AGTPBP1: variants seen among roughly 807,000 people sequenced by gnomAD.
AGTPBP1 encodes the protein cytosolic carboxypeptidase 1.
In AGTPBP1, 70 loss-of-function variants were observed where a neutral mutation model predicts 143.9. The observed-to-expected ratio is 0.49, with a 90% CI of 0.40 to 0.59. The LOEUF (loss-of-function observed/expected upper bound fraction) is 0.59, where lower values mean the gene tolerates loss of function less well. Among genes scored for constraint, AGTPBP1 ranks in the 20% least tolerant of loss-of-function variants. The probability of loss-of-function intolerance (pLI) is 0.00; values close to 1 mark genes in which losing one functional copy is unlikely to be tolerated. For synonymous variants in AGTPBP1, 463 were observed against 500.2 expected, an observed-to-expected ratio of 0.93 and a Z score of 0.99; for missense variants, 1,229 against 1,464.5, an observed-to-expected ratio of 0.84 and a Z score of 2.62.
chr9:85,549,832 G>T (rs1413019426), intron 25 of AGTPBP1, among the ~76,000 whole-genome samples: 1 of 152,204 alleles, frequency 6.6e-6, no homozygotes, highest in Non-Finnish European at 1.5e-5. Context: ...GATCCTGTCA[G>T]TTCTTGATCT....
chr9:85,777,260 C>G, the AGTPBP1 span, among the ~76,000 whole-genome samples: 3 of 152,200 alleles, frequency 2.0e-5, no homozygotes, highest in African/African-American at 7.2e-5. Context: ...GCAGGATAGG[C>G]AAACCCACAT....
At chr9:85,786,058 G>A in the AGTPBP1 span, 9 of 1,351,024 alleles carry the variant, frequency 6.7e-6, no homozygotes, top group African/African-American at 1.3e-4. Context: ...ACCTAATTTT[G>A]AGGAAATAAT....
chr9:85,743,836 T>C (rs997235921), upstream of AGTPBP1, among the ~76,000 whole-genome samples: 1 of 152,134 alleles, frequency 6.6e-6, no homozygotes, highest in Non-Finnish European at 1.5e-5. Context: ...CGATCTCCTG[T>C]ATGTTGGACA....
At position 85,592,653 on chromosome 9, in the gene AGTPBP1, G is replaced by A; in HGVS notation, c.2475C>T (p.Ser825=). Residue 825 remains serine (S), a synonymous_variant, in exon 19 of 26, where the codon TCC becomes TCT. Coordinates refer to ENST00000357081, the MANE Select transcript of AGTPBP1 (RefSeq NM_001330701.2). ...SVAAGGQKGK[S]YYTITFTVNF... is the part of the protein sequence containing the mutation. ...TGACAGTAAATGTAATTGTATAGTA[G>A]GATTTTCCCTTTTGCCCACCTGCAG... The A allele has an allele frequency of 6.2e-7, 1 of 1,611,808 alleles. No individual in the cohort carries two copies. Among genetic ancestry groups the A allele is most frequent in the Non-Finnish European group, 8.5e-7 (1 of 1,179,172 alleles).
chr9:85,764,499 T>C, the AGTPBP1 span, among the ~76,000 whole-genome samples: 5,928 of 152,104 alleles, frequency 0.039, 99 homozygotes, highest in Non-Finnish European at 0.057. Flanking sequence ...CATTGCACTC[T>C]AGCCTGGGGA....
At chr9:85,598,861 C>T (rs943006658) in intron 17 of AGTPBP1, among the ~76,000 whole-genome samples, 2 of 151,982 alleles carry the variant, frequency 1.3e-5, no homozygotes, top group Non-Finnish European at 2.9e-5. Context: ...CTGGGGACTA[C>T]AGGCGCATGC....
chr9:85,633,112 G>C lies in AGTPBP1; in HGVS notation c.1565C>G (p.Ser522Ter). Residue 522 changes from serine (S) to a stop codon, truncating the protein, a stop_gained, in exon 14 of 26, where the codon TCA becomes TGA. Coordinates refer to ENST00000357081, the MANE Select transcript of AGTPBP1 (RefSeq NM_001330701.2). LOFTEE classifies it high-confidence loss of function. ...QPGDQNRTIS[S>*]VHGLNNDIVK... is the part of the protein sequence containing the mutation. ...AATATCATTGTTTAAACCATGGACTGATGAAATAGTTCTATTTTGATCACC... is the reference window on the plus strand; with the variant it reads ...AATATCATTGTTTAAACCATGGACTCATGAAATAGTTCTATTTTGATCACC... The C allele has an allele frequency of 6.2e-7, 1 of 1,614,132 alleles. No individual in the cohort carries two copies. The highest frequency in any genetic ancestry group is 8.5e-7 in the Non-Finnish European group (1 of 1,180,010).
At chr9:85,786,663 C>T in the AGTPBP1 span, 1 of 1,346,764 alleles carries the variant, frequency 7.4e-7, no homozygotes, top group Non-Finnish European at 9.9e-7. Flanking sequence ...AAGTTCACTA[C>T]CTCTTTCCTC....
upstream of AGTPBP1, among the ~76,000 whole-genome samples, chr9:85,746,124 C>T (rs1195652997): frequency 6.6e-6 from 1 of 152,062 alleles, no homozygotes; most frequent in African/African-American, 2.4e-5. Flanking sequence ...TCCCCCTGCC[C>T]CCACACAGTA....
At chr9:85,617,146 C>T (rs1587745280) in intron 17 of AGTPBP1, among the ~76,000 whole-genome samples, 1 of 152,096 alleles carries the variant, frequency 6.6e-6, no homozygotes, top group East Asian at 1.9e-4. Flanking sequence ...GGAACAACCT[C>T]TTCAACTGTT....
the AGTPBP1 span, among the ~76,000 whole-genome samples, chr9:85,783,514 G>C: frequency 2.0e-5 from 3 of 152,016 alleles, no homozygotes; most frequent in Non-Finnish European, 2.9e-5. Flanking sequence ...ATGAAACAAG[G>C]TTTGTTTGAA....
intron 25 of AGTPBP1, among the ~76,000 whole-genome samples, chr9:85,563,951 T>C (rs1219221604): frequency 6.6e-6 from 1 of 152,216 alleles, no homozygotes; most frequent in Non-Finnish European, 1.5e-5. Context: ...TTTGGCAGCA[T>C]CCATGTGTGC....
rs138210835 is a variant in AGTPBP1, at chr9:85,669,403, C to T, written c.662+82G>A. 3.5e-4 allele frequency: 236 copies of T among 665,046 alleles called. 1 individual carries two copies. In the African/African-American group the frequency reaches 4.1e-3, roughly 12 times the overall value. 41.2% of individuals were successfully genotyped at this position (665,046 alleles called of 1,614,324 possible). A position where few individuals can be genotyped will look rare whatever the true frequency, so the allele number is the denominator to read the frequency against. On this transcript the variant is annotated intron_variant, in intron 8 of 25. Transcript: ENST00000357081. Reference sequence around the variant, plus strand: ...TAACCCTGGAGACAATTTAATTCAACCTGCTCATTGTACATATCAAGATAA... The same window carrying T: ...TAACCCTGGAGACAATTTAATTCAATCTGCTCATTGTACATATCAAGATAA...
At chr9:85,750,704 T>A in the AGTPBP1 span, among the ~76,000 whole-genome samples, 1 of 152,156 alleles carries the variant, frequency 6.6e-6, no homozygotes, top group Non-Finnish European at 1.5e-5. Context: ...TGTTCTCCCT[T>A]GTCCACCTTA....
chr9:85,549,865 A>C (rs1156617399), intron 25 of AGTPBP1, among the ~76,000 whole-genome samples: 2 of 152,240 alleles, frequency 1.3e-5, no homozygotes, highest in Non-Finnish European at 2.9e-5. Context: ...CATGTTGACT[A>C]TGAGAAGAAC....
intron 25 of AGTPBP1, chr9:85,553,749 T>C (rs1384440769): frequency 6.6e-6 from 1 of 152,216 alleles, no homozygotes; most frequent in Non-Finnish European, 1.5e-5. Context: ...ACTGAAACCA[T>C]TATATTCTAT....
At chr9:85,798,163 A>G in the AGTPBP1 span, among the ~76,000 whole-genome samples, 2 of 151,436 alleles carry the variant, frequency 1.3e-5, no homozygotes, top group Non-Finnish European at 2.9e-5. Context: ...CAGCCTCCCA[A>G]AGTTCTGAGA....
In AGTPBP1 at chr9:85,585,483, C is replaced by T. The variant is rs1040214175; in HGVS notation, c.3145G>A (p.Val1049Met). The T allele has an allele frequency of 6.2e-7, 1 of 1,607,068 alleles. No individual in the cohort carries two copies. Among genetic ancestry groups the T allele is most frequent in the East Asian group, 2.2e-5 (1 of 44,548 alleles). ...ATTACCCTGTATCCCGTATCCTCCA[C>T]AACATCACATGAAGTTGCATTATCA... ...TNDNATSCDV[V>M]EDTGYRTLPK... is the part of the protein sequence containing the mutation. Residue 1049 changes from valine to methionine, a missense_variant, in exon 23 of 26, where the codon GTG becomes ATG. Physicochemically the swap from Val to Met is conservative, Grantham distance 21. This residue lies in a region of AGTPBP1 where 486 missense variants were observed against 652.3 expected (regional missense o/e 0.75). Coordinates refer to ENST00000357081, the MANE Select transcript of AGTPBP1 (RefSeq NM_001330701.2).
intron 9 of AGTPBP1, among the ~76,000 whole-genome samples, chr9:85,660,313 C>CA (rs899404326): frequency 6.6e-6 from 1 of 151,506 alleles, no homozygotes; most frequent in South Asian, 2.1e-4. Context: ...TGAAGCCCCC[C>CA]AAAAAAATAT....
Sources: gnomAD v4.1 joint callset for allele counts (sites outside exome capture counted in the v4.1 genomes callset) on GRCh38, gnomAD v4.1.1 for gene constraint, gnomAD v4.1.1 regional missense constraint, MANE v1.5 for transcripts, NCBI Gene and HGNC (gene_info 2026-07-23, HGNC 2026-07-21) for gene names.